CTDSPL2: variants seen among roughly 807,000 people sequenced by gnomAD.
CTDSPL2 encodes the protein CTD small phosphatase-like protein 2.
In CTDSPL2, 5 loss-of-function variants were observed where a neutral mutation model predicts 60.0. The observed-to-expected ratio is 0.08, with a 90% CI of 0.04 to 0.18. CTDSPL2 has a LOEUF of 0.18. Ranked by LOEUF, CTDSPL2 falls within the 10% of genes least tolerant of loss-of-function variation. The probability of loss-of-function intolerance (pLI) is 1.00; values close to 1 mark genes in which losing one functional copy is unlikely to be tolerated. For synonymous variants in CTDSPL2, 186 were observed against 189.3 expected, an observed-to-expected ratio of 0.98 and a Z score of 0.14; for missense variants, 370 against 548.8, an observed-to-expected ratio of 0.67 and a Z score of 3.26.
intron 3 of CTDSPL2, among the ~76,000 whole-genome samples, chr15:44,485,566 G>C (rs1371642533): frequency 6.6e-6 from 1 of 152,196 alleles, no homozygotes; most frequent in Non-Finnish European, 1.5e-5. Context: ...TAATGCAGCA[G>C]CTTATCTGCA....
chr15:44,490,576 CTT>C (rs1358265105), intron 4 of CTDSPL2, among the ~76,000 whole-genome samples: 2 of 152,166 alleles, frequency 1.3e-5, no homozygotes, highest in South Asian at 2.1e-4. Flanking sequence ...GATGCAGAAA[CTT>C]TGCTCACAAA....
chr15:44,513,712 A>G (rs545025754), intron 8 of CTDSPL2, among the ~76,000 whole-genome samples: 25 of 152,322 alleles, frequency 1.6e-4, no homozygotes, highest in Non-Finnish European at 2.2e-4. Context: ...TGGTATTTGA[A>G]ATTATAATAG....
chr15:44,518,512 G>A (rs2081699665), intron 10 of CTDSPL2: 1 of 152,088 alleles, frequency 6.6e-6, no homozygotes, highest in Non-Finnish European at 1.5e-5. Flanking sequence ...ACTAAAAGAG[G>A]GGTGTTTAGG....
rs2140879938 is a variant in CTDSPL2 at position 44,526,870 on chromosome 15, A to C, written c.*2696A>C. ...GGTGGATACCTGATGAGACACAGCG[A>C]AAGTGACCTGTATACACATTACAAC... On this transcript the variant is annotated 3_prime_UTR_variant, in exon 13 of 13. Coordinates refer to ENST00000260327, the MANE Select transcript of CTDSPL2 (RefSeq NM_016396.3). 6.5e-6 allele frequency: 1 copy of C among 152,758 alleles called. No homozygotes were observed. Among genetic ancestry groups the C allele is most frequent in the Middle Eastern group, 3.4e-3 (1 of 294 alleles). 9.5% of individuals were successfully genotyped at this position (152,758 alleles called of 1,614,324 possible).
At chr15:44,497,490 C>A (rs545329428) in intron 7 of CTDSPL2, among the ~76,000 whole-genome samples, 1 of 152,064 alleles carries the variant, frequency 6.6e-6, no homozygotes, top group Non-Finnish European at 1.5e-5. Context: ...CTCAGCCTCC[C>A]GAGTAGCTGG....
chr15:44,523,490 C>T (rs1262806075), intron 12 of CTDSPL2, among the ~76,000 whole-genome samples: 4 of 152,090 alleles, frequency 2.6e-5, no homozygotes. Flanking sequence ...CCTATAATTC[C>T]AGCTACACAG....
chr15:44,454,539 C>T (rs543949622), intron 1 of CTDSPL2, among the ~76,000 whole-genome samples: 6 of 152,234 alleles, frequency 3.9e-5, no homozygotes, highest in African/African-American at 1.4e-4. Context: ...AGGTTTTCTT[C>T]TAGGGTTTTT....
chr15:44,450,374 C>A (rs1164739774), intron 1 of CTDSPL2, among the ~76,000 whole-genome samples: 1 of 151,920 alleles, frequency 6.6e-6, no homozygotes, highest in African/African-American at 2.4e-5. Context: ...AGAGATACTA[C>A]CAAATGTTAA....
At chr15:44,490,703 T>C in intron 4 of CTDSPL2, 81 bp from the exon 5 acceptor site, 10 of 998,196 alleles carry the variant, frequency 1.0e-5, no homozygotes, top group South Asian at 2.7e-5. Context: ...TAAATAAATA[T>C]ATTGTACGGT....
chr15:44,525,382 C>T lies in CTDSPL2; in HGVS notation c.*1208C>T, dbSNP rs1160676951. 2 of 398,716 alleles carry T rather than the reference C, an allele frequency of 5.0e-6. No homozygotes were observed. Among genetic ancestry groups the T allele is most frequent in the African/African-American group, 4.1e-5 (2 of 48,594 alleles). 24.7% of individuals were successfully genotyped at this position (398,716 alleles called of 1,614,324 possible). ...AGCCTTGGTTCTCTAATGCAGCTAC[C>T]ACAAGAGGTTGATATTTTTATAGTG... On this transcript the variant is annotated 3_prime_UTR_variant, in exon 13 of 13. Transcript: ENST00000260327.
At position 44,459,716 on chromosome 15, in the gene CTDSPL2, A is replaced by G. The variant is rs146874463; in HGVS notation, c.186+516A>G. The stretch of plus-strand genomic sequence containing the variant: ...ACGTAGCCTTCTGCTTTTTCAACAT[A>G]GTATTATGGGAAGCAAAATAAATTT... On this transcript the variant is annotated intron_variant, in intron 2 of 12. Transcript: ENST00000260327. Among the ~76,000 whole-genome samples, 795 of 152,226 alleles carry G rather than the reference A, an allele frequency of 5.2e-3. 4 individuals carry two copies. Among genetic ancestry groups the G allele is most frequent in the Non-Finnish European group, 8.8e-3 (598 of 68,018 alleles).
chr15:44,449,701 A>T (rs939812352), intron 1 of CTDSPL2, among the ~76,000 whole-genome samples: 1 of 152,136 alleles, frequency 6.6e-6, no homozygotes, highest in Admixed American at 6.6e-5. Flanking sequence ...CTAAAAGTAC[A>T]AAAAGTAGCC....
intron 5 of CTDSPL2, among the ~76,000 whole-genome samples, chr15:44,495,338 T>C (rs569282852): frequency 1.1e-3 from 174 of 151,996 alleles, no homozygotes; most frequent in Non-Finnish European, 2.0e-3. Context: ...ATTCTAGCAC[T>C]TTGGGAGGCC....
Position 44,518,063 on chromosome 15 carries a change from T to G in CTDSPL2, c.1113-1106T>G, listed in dbSNP as rs8035541. Among the ~76,000 whole-genome samples the G allele has an allele frequency of 2.3e-3, 350 of 152,344 alleles. 1 individual carries two copies. The highest frequency in any genetic ancestry group is 8.1e-3 in the African/African-American group (338 of 41,572). The stretch of plus-strand genomic sequence containing the variant: ...GGCACTGATAATTTTAAGGTTGAGT[T>G]TTTATTTGTGTGTGTATATGTAGAT... On this transcript the variant is annotated intron_variant, in intron 10 of 12. Transcript: ENST00000260327.
At chr15:44,433,988 G>A (rs2079918613) in intron 1 of CTDSPL2, among the ~76,000 whole-genome samples, 1 of 151,396 alleles carries the variant, frequency 6.6e-6, no homozygotes, top group African/African-American at 2.4e-5. Context: ...TTTTAAGAGT[G>A]TGTTTTAGTC....
At chr15:44,523,002 T>A (rs1335197497) in intron 12 of CTDSPL2, among the ~76,000 whole-genome samples, 1 of 151,884 alleles carries the variant, frequency 6.6e-6, no homozygotes, top group Non-Finnish European at 1.5e-5. Context: ...CACTGTTTTT[T>A]GTTTGTTTGT....
intron 2 of CTDSPL2, among the ~76,000 whole-genome samples, chr15:44,462,700 C>CTTTTTTTTTTTTTTTTTTTTTT (rs554319789): frequency 3.6e-5 from 3 of 83,744 alleles, no homozygotes; most frequent in African/African-American, 1.8e-4. Context: ...ACACTCAGGA[C>CTTTTTTTTTTTTTTTTTTTTTT]TTTTTTTTTT....
Position 44,519,188 on chromosome 15 carries a change from C to A in CTDSPL2, c.1132C>A (p.His378Asn). 1 of 1,501,374 alleles carries A rather than the reference C, an allele frequency of 6.7e-7. No individual in the cohort carries two copies. The highest frequency in any genetic ancestry group is 1.5e-5 in the South Asian group (1 of 68,886). The allele number at this position is 1,501,374 out of a possible 1,614,324, so 93.0% of individuals were successfully genotyped here. The part of the protein sequence containing the change: ...QLVRHRLFRE[H>N]CVCVQGNYIK... ...GTTTAGGCACCGGCTTTTCCGTGAA[C>A]ATTGTGTTTGTGTACAAGGAAACTA... is the stretch of plus-strand genomic sequence containing the variant. Residue 378 changes from histidine (H) to asparagine (N), a missense_variant, in exon 11 of 13, where the codon CAT (histidine) becomes AAT (asparagine). Transcript: ENST00000260327.
intron 8 of CTDSPL2, among the ~76,000 whole-genome samples, chr15:44,511,564 A>T (rs2081565493): frequency 6.6e-6 from 1 of 152,196 alleles, no homozygotes; most frequent in Admixed American, 6.5e-5. Context: ...GCGAAATCTG[A>T]AATGCCTCAA....
Sources: gnomAD v4.1 joint callset for allele counts (sites outside exome capture counted in the v4.1 genomes callset) on GRCh38, gnomAD v4.1.1 for gene constraint, MANE v1.5 for transcripts, NCBI Gene and HGNC (gene_info 2026-07-23, HGNC 2026-07-21) for gene names.